The following IKZF2 variants were observed in gnomAD, a reference collection of about 807,000 sequenced individuals.
IKZF2 encodes the protein IKAROS family zinc finger 2.
In IKZF2, 15 loss-of-function variants were observed where a neutral mutation model predicts 49.2. The ratio of observed to expected loss-of-function variants is 0.30; its 90% CI spans 0.20 to 0.47. The LOEUF is 0.47. IKZF2 is among the 20% of genes least tolerant of loss of function. IKZF2 has a pLI of 1.00. For synonymous variants in IKZF2, 227 were observed against 221.4 expected, an observed-to-expected ratio of 1.03 and a Z score of -0.23; for missense variants, 567 against 664.6, an observed-to-expected ratio of 0.85 and a Z score of 1.61.
chr2:213,115,909 T>C (rs1253404682), intron 4 of IKZF2, among the ~76,000 whole-genome samples: 1 of 150,934 alleles, frequency 6.6e-6, no homozygotes, highest in Non-Finnish European at 1.5e-5. Context: ...TATGGGTGTA[T>C]GACAGAAAAA....
At chr2:213,084,953 G>A (rs962569038) in intron 4 of IKZF2, among the ~76,000 whole-genome samples, 5 of 151,678 alleles carry the variant, frequency 3.3e-5, no homozygotes, top group African/African-American at 1.2e-4. Context: ...TGAAATTAAT[G>A]GCTCCTAACA....
At chr2:213,042,299 G>A (rs1699741452) in intron 6 of IKZF2, among the ~76,000 whole-genome samples, 6 of 152,128 alleles carry the variant, frequency 3.9e-5, no homozygotes, top group Admixed American at 3.9e-4. Flanking sequence ...CTTCTTTTCT[G>A]CCTCAGTGTA....
chr2:213,132,894 A>T lies in IKZF2; in HGVS notation c.139+14814T>A, dbSNP rs74758724. Among the ~76,000 whole-genome samples the T allele has an allele frequency of 4.2e-3, 635 of 152,364 alleles. 4 individuals carry two copies. The highest frequency in any genetic ancestry group is 0.014 in the African/African-American group (594 of 41,584). Reference sequence around the variant, plus strand: ...TTTCTTCAGTAATTGATTTGAATACAACAGAATTAATAATTGTCTCATATC... The same window carrying T: ...TTTCTTCAGTAATTGATTTGAATACTACAGAATTAATAATTGTCTCATATC... On this transcript the variant is annotated intron_variant, in intron 4 of 8. Transcript: ENST00000434687.
At chr2:213,084,572 T>C (rs531906191) in intron 4 of IKZF2, among the ~76,000 whole-genome samples, 29 of 149,084 alleles carry the variant, frequency 1.9e-4, no homozygotes, top group African/African-American at 7.2e-4. Context: ...CATAAGATGA[T>C]AAAATGTATC....
intron 4 of IKZF2, among the ~76,000 whole-genome samples, chr2:213,111,208 C>T (rs2059693159): frequency 6.6e-6 from 1 of 151,946 alleles, no homozygotes; most frequent in African/African-American, 2.4e-5. Flanking sequence ...CATAATAAGA[C>T]TTTCACATTT....
At chr2:213,062,874 C>T (rs1406585975) in intron 4 of IKZF2, among the ~76,000 whole-genome samples, 7 of 151,966 alleles carry the variant, frequency 4.6e-5, no homozygotes, top group Non-Finnish European at 1.0e-4. Flanking sequence ...ATCCCAACAG[C>T]TGTTTAAATA....
chr2:213,111,406 T>C (rs946383864), intron 4 of IKZF2, among the ~76,000 whole-genome samples: 2 of 152,072 alleles, frequency 1.3e-5, no homozygotes, highest in Non-Finnish European at 2.9e-5. Context: ...CATTTAAATA[T>C]TGGCATGTTA....
chr2:213,068,138 G>T (rs1222374903), intron 4 of IKZF2, among the ~76,000 whole-genome samples: 1 of 152,018 alleles, frequency 6.6e-6, no homozygotes, highest in Non-Finnish European at 1.5e-5. Flanking sequence ...GACATATAAG[G>T]TATAGTTAAA....
intron 4 of IKZF2, among the ~76,000 whole-genome samples, chr2:213,083,383 C>A (rs113872616): frequency 1.6e-4 from 19 of 117,312 alleles, no homozygotes; most frequent in Non-Finnish European, 3.1e-4. Context: ...GGACGGCGAA[C>A]CTTTTTTTTT....
chr2:213,007,258 T>A lies in IKZF2; in HGVS notation c.*102A>T. On this transcript the variant is annotated 3_prime_UTR_variant, in exon 9 of 9. Coordinates refer to ENST00000434687, the MANE Select transcript of IKZF2 (RefSeq NM_001387220.1). ...TCAACAGTAATAATATTAAAAAAAA[T>A]AAAAGGTATGTCAACATTTGAGGAA... The A allele has an allele frequency of 2.4e-6, 3 of 1,266,912 alleles. No homozygotes were observed. The highest frequency in any genetic ancestry group is 3.3e-6 in the Non-Finnish European group (3 of 917,480). The allele number at this position is 1,266,912 out of a possible 1,614,324, so 78.5% of individuals were successfully genotyped here. A position where few individuals can be genotyped will look rare whatever the true frequency, so the allele number is the denominator to read the frequency against.
At chr2:213,068,407 T>C (rs1446629272) in intron 4 of IKZF2, among the ~76,000 whole-genome samples, 1 of 152,084 alleles carries the variant, frequency 6.6e-6, no homozygotes, top group Non-Finnish European at 1.5e-5. Context: ...TTCTGTGAAA[T>C]AAAGGTAATG....
At chr2:213,043,583 A>G (rs1265104670) in intron 6 of IKZF2, among the ~76,000 whole-genome samples, 1 of 152,250 alleles carries the variant, frequency 6.6e-6, no homozygotes, top group East Asian at 1.9e-4. Flanking sequence ...ACCAGGGACC[A>G]GTTTCATGGA....
In IKZF2 at chr2:213,077,930, T is replaced by G. The variant is rs998918404; in HGVS notation, c.140-20831A>C. ...TTTTTTAATCATGTTTACATTAGTT[T>G]GGAAGATAAAATTCTATCTATATTT... On this transcript the variant is annotated intron_variant, in intron 4 of 8. Coordinates refer to ENST00000434687, the MANE Select transcript of IKZF2 (RefSeq NM_001387220.1). Among the ~76,000 whole-genome samples, 4 of 152,256 alleles carry G rather than the reference T, an allele frequency of 2.6e-5. No individual in the cohort carries two copies. The South Asian group carries it at 6.2e-4, about 24-fold the overall frequency.
intron 4 of IKZF2, among the ~76,000 whole-genome samples, chr2:213,144,268 C>T (rs2060970843): frequency 6.6e-6 from 1 of 151,902 alleles, no homozygotes; most frequent in Admixed American, 6.6e-5. Flanking sequence ...ATCCACTTAA[C>T]AGCTTTAAAG....
chr2:213,086,584 T>G (rs1704628242), intron 4 of IKZF2, among the ~76,000 whole-genome samples: 1 of 152,136 alleles, frequency 6.6e-6, no homozygotes. Flanking sequence ...TCACCTTTAC[T>G]GCATATCCCT....
At chr2:213,099,297 G>A (rs1241415096) in intron 4 of IKZF2, among the ~76,000 whole-genome samples, 1 of 152,134 alleles carries the variant, frequency 6.6e-6, no homozygotes, top group East Asian at 1.9e-4. Context: ...TTATATACAT[G>A]ATTCCTGAAA....
At chr2:213,147,429 G>A (rs973968186) in intron 4 of IKZF2, 1 of 567,732 alleles carries the variant, frequency 1.8e-6, no homozygotes, top group Non-Finnish European at 3.1e-6. Context: ...TCATAAACCT[G>A]GCAAGTCAAA....
At chr2:213,094,486 G>A (rs1705726442) in intron 4 of IKZF2, among the ~76,000 whole-genome samples, 1 of 152,014 alleles carries the variant, frequency 6.6e-6, no homozygotes, top group Non-Finnish European at 1.5e-5. Flanking sequence ...TGACACCAGG[G>A]TACCATCTTT....
intron 4 of IKZF2, among the ~76,000 whole-genome samples, chr2:213,088,093 A>G (rs1704866441): frequency 6.6e-6 from 1 of 152,198 alleles, no homozygotes; most frequent in Non-Finnish European, 1.5e-5. Context: ...TGTCTTCCAC[A>G]ATGGTTGAAC....
Sources: allele counts gnomAD v4.1 joint callset (sites outside exome capture counted in the v4.1 genomes callset), GRCh38; gene constraint gnomAD v4.1.1; transcripts MANE v1.5; gene names NCBI Gene and HGNC (gene_info 2026-07-23, HGNC 2026-07-21).